KCNH7: variants seen among roughly 807,000 people sequenced by gnomAD.
KCNH7 encodes the protein voltage-gated inwardly rectifying potassium channel KCNH7.
A neutral mutation model predicts 120.8 loss-of-function variants in KCNH7; 49 were observed. That is an observed-to-expected ratio of 0.41 (90% CI 0.32 to 0.51). The LOEUF is 0.51. KCNH7 is among the 20% of genes least tolerant of loss of function. The pLI, the probability that KCNH7 is intolerant of heterozygous loss-of-function variation, is 0.38. For missense variants in KCNH7, 1,097 were observed against 1,446.6 expected (o/e 0.76, Z 3.92); for synonymous variants, 547 against 516.1 (o/e 1.06, Z -0.81).
chr2:162,727,027 GTTTTTC>G (rs1335731030), intron 2 of KCNH7, among the ~76,000 whole-genome samples: 1 of 152,076 alleles, frequency 6.6e-6, no homozygotes, highest in Non-Finnish European at 1.5e-5. Context: ...AGATAGGGTT[GTTTTTC>G]TTTAAAGATC....
intron 2 of KCNH7, among the ~76,000 whole-genome samples, chr2:162,739,454 T>C (rs564572201): frequency 2.0e-4 from 30 of 152,270 alleles, no homozygotes; most frequent in African/African-American, 6.7e-4. Flanking sequence ...TGGGGCACCA[T>C]GTCTTTTCTA....
At chr2:162,400,070 C>G in intron 10 of KCNH7, 119 bp downstream of exon 10, 1 of 1,088,544 alleles carries the variant, frequency 9.2e-7, no homozygotes, top group South Asian at 1.6e-5. Flanking sequence ...TTTCAAATTA[C>G]CCACCATCTT....
intron 7 of KCNH7, among the ~76,000 whole-genome samples, chr2:162,437,800 C>A (rs1688293849): frequency 6.6e-6 from 1 of 152,016 alleles, no homozygotes; most frequent in African/African-American, 2.4e-5. Flanking sequence ...AGCTTCCACC[C>A]TTTTTAAACG....
chr2:162,634,807 A>G (rs1483134412), intron 2 of KCNH7, among the ~76,000 whole-genome samples: 1 of 152,088 alleles, frequency 6.6e-6, no homozygotes, highest in African/African-American at 2.4e-5. Flanking sequence ...AACTTGAAAT[A>G]TAAGACTATT....
At chr2:162,547,230 T>A (rs1453584683) in intron 2 of KCNH7, among the ~76,000 whole-genome samples, 1 of 152,158 alleles carries the variant, frequency 6.6e-6, no homozygotes, top group East Asian at 1.9e-4. Flanking sequence ...ACCACCCACA[T>A]AATCCAATCT....
chr2:162,691,774 G>A (rs1686112672), intron 2 of KCNH7, among the ~76,000 whole-genome samples: 1 of 152,054 alleles, frequency 6.6e-6, no homozygotes, highest in Non-Finnish European at 1.5e-5. Context: ...AAGACTACTT[G>A]CACATAATTT....
chr2:162,663,835 A>T (rs1261323955), intron 2 of KCNH7, among the ~76,000 whole-genome samples: 2 of 152,202 alleles, frequency 1.3e-5, no homozygotes, highest in Admixed American at 6.5e-5. Flanking sequence ...TGTTTTGAGT[A>T]TCAAGGAAAG....
At chr2:162,834,473 T>C (rs957310868) in intron 2 of KCNH7, among the ~76,000 whole-genome samples, 2 of 151,838 alleles carry the variant, frequency 1.3e-5, no homozygotes, top group Admixed American at 1.3e-4. Context: ...CATCTGAAAA[T>C]GAAGTCAACA....
intron 2 of KCNH7, among the ~76,000 whole-genome samples, chr2:162,634,329 C>T (rs1363192027): frequency 2.0e-5 from 3 of 152,058 alleles, no homozygotes; most frequent in South Asian, 2.1e-4. Context: ...CTTGAAAGCA[C>T]GCAGGTCCTG....
intron 2 of KCNH7, among the ~76,000 whole-genome samples, chr2:162,604,098 T>C (rs771144308): frequency 1.3e-5 from 2 of 152,120 alleles, no homozygotes; most frequent in African/African-American, 2.4e-5. Context: ...GAGAAAGTTC[T>C]GTTTTATACT....
intron 2 of KCNH7, among the ~76,000 whole-genome samples, chr2:162,747,503 T>C (rs1022780348): frequency 6.6e-6 from 1 of 152,194 alleles, no homozygotes; most frequent in African/African-American, 2.4e-5. Flanking sequence ...TTAAAAAGTG[T>C]TGTTTGTACA....
At chr2:162,836,791 A>T in intron 1 of KCNH7, 24 bp from the exon 2 acceptor site, 1 of 1,532,228 alleles carries the variant, frequency 6.5e-7, no homozygotes, top group Non-Finnish European at 9.0e-7. Flanking sequence ...ACAGTATGGC[A>T]TCTTTGAAAA....
chr2:162,806,836 T>A (rs141821619), intron 2 of KCNH7, among the ~76,000 whole-genome samples: 4 of 152,038 alleles, frequency 2.6e-5, no homozygotes, highest in Non-Finnish European at 5.9e-5. Flanking sequence ...TTAGGTCAAA[T>A]GGAATTTTTT....
At chr2:162,630,929 C>A (rs1320015973) in intron 2 of KCNH7, among the ~76,000 whole-genome samples, 1 of 152,044 alleles carries the variant, frequency 6.6e-6, no homozygotes, top group Non-Finnish European at 1.5e-5. Context: ...TTCCAGGTAG[C>A]TGGGAGAGTC....
At chr2:162,559,054 C>CAAAAAAAAA (rs780823559) in intron 2 of KCNH7, among the ~76,000 whole-genome samples, 1 of 37,152 alleles carries the variant, frequency 2.7e-5, no homozygotes, top group African/African-American at 1.1e-4. Context: ...GACTCTGCCT[C>CAAAAAAAAA]AAAAAAAAAA....
intron 12 of KCNH7, among the ~76,000 whole-genome samples, chr2:162,392,865 G>A (rs1175567373): frequency 1.1e-4 from 16 of 151,362 alleles, no homozygotes; most frequent in Non-Finnish European, 2.4e-4. Flanking sequence ...TGAACATGTA[G>A]GTGACATAAA....
chr2:162,371,805 T>C lies in KCNH7; in HGVS notation c.*24A>G. 6.3e-7 allele frequency: 1 copy of C among 1,590,756 alleles called. No individual in the cohort carries two copies. Among genetic ancestry groups the C allele is most frequent in the African/African-American group, 1.3e-5 (1 of 74,324 alleles). On this transcript the variant is annotated 3_prime_UTR_variant, in exon 16 of 16. Coordinates refer to ENST00000332142, the MANE Select transcript of KCNH7 (RefSeq NM_033272.4). Reference sequence around the variant, plus strand: ...AGCCATTAAAAGCACTTACATTGTATGTGGAGTAAATAGTACAAAATGATT... The same window carrying C: ...AGCCATTAAAAGCACTTACATTGTACGTGGAGTAAATAGTACAAAATGATT...
At chr2:162,523,675 A>G (rs1192111384) in intron 3 of KCNH7, among the ~76,000 whole-genome samples, 1 of 151,882 alleles carries the variant, frequency 6.6e-6, no homozygotes, top group Non-Finnish European at 1.5e-5. Flanking sequence ...ACATATAGGG[A>G]TATTAGAAAC....
At chr2:162,674,011 A>T (rs1685450981) in intron 2 of KCNH7, among the ~76,000 whole-genome samples, 1 of 151,978 alleles carries the variant, frequency 6.6e-6, no homozygotes, top group South Asian at 2.1e-4. Flanking sequence ...ACAAGAAAAA[A>T]TGTCCACAAT....
Sources: allele counts gnomAD v4.1 joint callset (sites outside exome capture counted in the v4.1 genomes callset), GRCh38; gene constraint gnomAD v4.1.1; transcripts MANE v1.5; gene names NCBI Gene and HGNC (gene_info 2026-07-23, HGNC 2026-07-21).